CFTR: variants seen among roughly 807,000 people sequenced by gnomAD.
The protein encoded by CFTR is CF transmembrane conductance regulator.
A neutral mutation model predicts 171.6 loss-of-function variants in CFTR; 181 were observed. That is an observed-to-expected ratio of 1.05 (90% confidence interval 0.93 to 1.19). The LOEUF is 1.19. CFTR is among the 50% of genes most tolerant of loss of function. The pLI is 0.00. For synonymous variants in CFTR, 583 were observed against 608.0 expected, an observed-to-expected ratio of 0.96 and a Z score of 0.60; for missense variants, 1,968 against 1,734.7, an observed-to-expected ratio of 1.13 and a Z score of -2.39.
intron 3 of CFTR, among the ~76,000 whole-genome samples, chr7:117,523,827 A>G (rs550674485): frequency 6.6e-6 from 1 of 152,328 alleles, no homozygotes; most frequent in Admixed American, 6.5e-5. Flanking sequence ...TATAATGGAG[A>G]AATCCAGTGG....
intron 3 of CFTR, among the ~76,000 whole-genome samples, chr7:117,511,998 C>T (rs1798527209): frequency 1.3e-5 from 2 of 152,098 alleles, no homozygotes; most frequent in Admixed American, 1.3e-4. Flanking sequence ...GATAAATGAG[C>T]CAGGGATTCT....
chr7:117,603,580 C>T lies in CFTR; in HGVS notation c.2706C>T (p.Ser902=). 6.2e-7 allele frequency: 1 copy of T among 1,613,850 alleles called. No individual in the cohort carries two copies. The highest frequency in any genetic ancestry group is 8.5e-7 in the Non-Finnish European group (1 of 1,179,792). The change falls in exon 17 of 27, where the codon AGC becomes AGT. Residue 902 remains serine (S), a synonymous_variant. Coordinates refer to ENST00000003084, the MANE Select transcript of CFTR (RefSeq NM_000492.4). ...ATAGTACTCATAGTAGAAATAACAG[C>T]TATGCAGTGATTATCACCAGCACCA... ...KGNSTHSRNN[S]YAVIITSTSS...
intron 2 of CFTR, 29 bp downstream of exon 2, chr7:117,504,392 G>A: frequency 9.6e-7 from 1 of 1,041,738 alleles, no homozygotes; most frequent in Non-Finnish European, 1.5e-6. Context: ...TTTAGTTGAA[G>A]AGAGAAATTC....
At chr7:117,649,515 ATATAT>A (rs1185784270) in intron 23 of CFTR, among the ~76,000 whole-genome samples, 3 of 71,416 alleles carry the variant, frequency 4.2e-5, no homozygotes, top group East Asian at 7.9e-4. Context: ...ATATATATAT[ATATAT>A]TTTTTTTTTC....
At chr7:117,627,860 T>C in intron 22 of CFTR, 90 bp downstream of exon 22, 2 of 1,290,476 alleles carry the variant, frequency 1.5e-6, no homozygotes, top group Admixed American at 3.4e-5. Flanking sequence ...AATCTATTTG[T>C]AACATTATTA....
At chr7:117,580,492 C>T (rs575500220) in intron 11 of CFTR, among the ~76,000 whole-genome samples, 25 of 151,998 alleles carry the variant, frequency 1.6e-4, no homozygotes, top group Non-Finnish European at 2.9e-4. Context: ...ATAAAGAAAA[C>T]GCATACTTTT....
At chr7:117,491,015 T>G (rs757934973) in intron 1 of CFTR, among the ~76,000 whole-genome samples, 6 of 152,088 alleles carry the variant, frequency 3.9e-5, no homozygotes, top group Non-Finnish European at 7.4e-5. Flanking sequence ...CCTTAGGCAA[T>G]TTTATCGTTG....
chr7:117,562,358 A>G (rs1348859020), intron 11 of CFTR, among the ~76,000 whole-genome samples: 3 of 152,184 alleles, frequency 2.0e-5, no homozygotes, highest in African/African-American at 4.8e-5. Flanking sequence ...AAAAGCATCA[A>G]TATGAATTTT....
chr7:117,599,524 C>T (rs1792189923), intron 15 of CFTR, among the ~76,000 whole-genome samples: 1 of 151,984 alleles, frequency 6.6e-6, no homozygotes, highest in African/African-American at 2.4e-5. Context: ...TGAACTGTCA[C>T]AATTATTGCA....
intron 14 of CFTR, among the ~76,000 whole-genome samples, chr7:117,593,627 G>A (rs751291425): frequency 6.6e-5 from 10 of 152,058 alleles, no homozygotes; most frequent in East Asian, 1.9e-4. Flanking sequence ...ATGGAGTCTC[G>A]CTCTGTCACC....
At chr7:117,543,605 G>T (rs1183321849) in intron 9 of CFTR, among the ~76,000 whole-genome samples, 1 of 152,146 alleles carries the variant, frequency 6.6e-6, no homozygotes, top group Non-Finnish European at 1.5e-5. Flanking sequence ...ATAATAAAAT[G>T]GAGGCTTCAA....
At chr7:117,567,205 C>A (rs1183543339) in intron 11 of CFTR, among the ~76,000 whole-genome samples, 1 of 152,116 alleles carries the variant, frequency 6.6e-6, no homozygotes, top group Non-Finnish European at 1.5e-5. Context: ...ACACTCTTAG[C>A]GTTTTCTATA....
chr7:117,560,302 T>A (rs1011606211), intron 11 of CFTR, among the ~76,000 whole-genome samples: 9 of 152,106 alleles, frequency 5.9e-5, no homozygotes, highest in African/African-American at 2.2e-4. Context: ...GAAACCAGTA[T>A]ATGGATCTTG....
intron 11 of CFTR, among the ~76,000 whole-genome samples, chr7:117,581,592 T>C (rs142642342): frequency 6.6e-6 from 1 of 152,294 alleles, no homozygotes; most frequent in East Asian, 1.9e-4. Context: ...AAGGAAGATA[T>C]TATTATACCC....
chr7:117,635,777 C>T (rs910387475), intron 22 of CFTR, among the ~76,000 whole-genome samples: 8 of 151,970 alleles, frequency 5.3e-5, no homozygotes, highest in African/African-American at 1.9e-4. Context: ...TGTATTATAG[C>T]TATAATTTAG....
chr7:117,518,401 T>TTA (rs1798631755), intron 3 of CFTR, among the ~76,000 whole-genome samples: 1 of 146,850 alleles, frequency 6.8e-6, no homozygotes, highest in Non-Finnish European at 1.5e-5. Context: ...ATATAATAAT[T>TTA]TATATATATG....
intron 24 of CFTR, among the ~76,000 whole-genome samples, chr7:117,658,031 T>C (rs1174822875): frequency 6.6e-6 from 1 of 152,150 alleles, no homozygotes; most frequent in Non-Finnish European, 1.5e-5. Flanking sequence ...TCCACACCTT[T>C]ACCATGGCAG....
chr7:117,553,096 T>C (rs182550128), intron 10 of CFTR, among the ~76,000 whole-genome samples: 45 of 152,226 alleles, frequency 3.0e-4, no homozygotes, highest in African/African-American at 1.1e-3. Flanking sequence ...TTCAGGAGTC[T>C]CTTAGCAGAC....
intron 12 of CFTR, among the ~76,000 whole-genome samples, chr7:117,589,895 C>T (rs1792000152): frequency 6.6e-6 from 1 of 151,982 alleles, no homozygotes; most frequent in Non-Finnish European, 1.5e-5. Flanking sequence ...GGTGTCCTCA[C>T]CAAAACCCAA....
Sources: gnomAD v4.1 joint callset for allele counts (sites outside exome capture counted in the v4.1 genomes callset) on GRCh38, gnomAD v4.1.1 for gene constraint, MANE v1.5 for transcripts, NCBI Gene and HGNC (gene_info 2026-07-23, HGNC 2026-07-21) for gene names.